CCT3: variants seen among roughly 807,000 people sequenced by gnomAD.
The protein encoded by CCT3 is T-complex protein 1 subunit gamma.
In CCT3, 10 loss-of-function variants were observed where a neutral mutation model predicts 65.3. The observed-to-expected ratio is 0.15, with a 90% CI of 0.09 to 0.26. The LOEUF is 0.26. Among genes scored for constraint, CCT3 ranks in the 10% least tolerant of loss-of-function variants. CCT3 has a pLI of 1.00. For missense variants in CCT3, 626 were observed against 708.7 expected (o/e 0.88, Z 1.33); for synonymous variants, 225 against 242.3 (o/e 0.93, Z 0.66).
intron 1 of CCT3, chr1:156,337,511 G>A (rs1177850501): frequency 5.9e-6 from 1 of 169,096 alleles, no homozygotes; most frequent in Admixed American, 5.8e-5. Flanking sequence ...GTACAACGCC[G>A]GGGACACGGA....
At chr1:156,311,693 A>G (rs1278273711) in intron 11 of CCT3, among the ~76,000 whole-genome samples, 1 of 152,186 alleles carries the variant, frequency 6.6e-6, no homozygotes, top group Non-Finnish European at 1.5e-5. Flanking sequence ...AAAATAAGAA[A>G]ACAGTTGTTG....
chr1:156,332,166 C>T (rs1290395110), intron 5 of CCT3, among the ~76,000 whole-genome samples: 1 of 152,216 alleles, frequency 6.6e-6, no homozygotes, highest in Non-Finnish European at 1.5e-5. Context: ...CAGGTGTGTG[C>T]CACCACATCC....
chr1:156,320,801 A>G (rs769298879), intron 7 of CCT3, 38 bp downstream of exon 7: 1 of 1,361,652 alleles, frequency 7.3e-7, no homozygotes, highest in South Asian at 1.2e-5. Context: ...TCATGCTAAC[A>G]TATAATTTGA....
rs1420529262 is a variant in CCT3, at chr1:156,337,895, C to A, written c.31+259G>T. 1.9e-5 allele frequency: 10 copies of A among 535,026 alleles called. No individual in the cohort carries two copies. The Admixed American group carries it at 2.7e-4, about 14-fold the overall frequency. The allele number at this position is 535,026 out of a possible 1,614,324, so 33.1% of individuals were successfully genotyped here. A position where few individuals can be genotyped will look rare whatever the true frequency, so the allele number is the denominator to read the frequency against. On this transcript the variant is annotated intron_variant, in intron 1 of 13. Coordinates refer to ENST00000295688, the MANE Select transcript of CCT3 (RefSeq NM_005998.5). Reference sequence around the variant, plus strand: ...AGCGTGGGGGCTGAGGGACAGAACGCGGAGTGGGAAAGAGCTTCCCAAGAC... The same window carrying A: ...AGCGTGGGGGCTGAGGGACAGAACGAGGAGTGGGAAAGAGCTTCCCAAGAC...
intron 1 of CCT3, among the ~76,000 whole-genome samples, chr1:156,336,582 A>G (rs560808201): frequency 2.0e-4 from 30 of 152,348 alleles, no homozygotes; most frequent in African/African-American, 5.5e-4. Flanking sequence ...AACTGACTAC[A>G]TACTTTAACT....
chr1:156,335,473 C>T lies in CCT3; in HGVS notation c.93+354G>A, dbSNP rs143150009. On this transcript the variant is annotated intron_variant, in intron 2 of 13. Transcript: ENST00000295688. The stretch of plus-strand genomic sequence containing the variant: ...ACTATTTCATTCAAAAGACATTTAC[C>T]GAATATCTATCCAAGATCTACGGTG... The T allele has an allele frequency of 2.3e-4, 52 of 229,840 alleles. No individual in the cohort carries two copies. In the East Asian group the frequency reaches 4.2e-3, roughly 19 times the overall value. 14.2% of individuals were successfully genotyped at this position (229,840 alleles called of 1,614,324 possible). A position where few individuals can be genotyped will look rare whatever the true frequency, so the allele number is the denominator to read the frequency against.
At chr1:156,309,806 A>T (rs1664000603) in intron 13 of CCT3, among the ~76,000 whole-genome samples, 1 of 151,578 alleles carries the variant, frequency 6.6e-6, no homozygotes, top group Admixed American at 6.6e-5. Context: ...TGGTTGGTCA[A>T]GGCAGGTGGA....
chr1:156,338,089 C>A, intron 1 of CCT3, 65 bp downstream of exon 1: 1 of 1,540,304 alleles, frequency 6.5e-7, no homozygotes, highest in South Asian at 1.2e-5. Context: ...GCTGGGGCAA[C>A]ACTGAAAAGT....
Position 156,317,531 on chromosome 1 carries a change from G to A in CCT3, c.776C>T (p.Thr259Ile), listed in dbSNP as rs974855097. ...AATTCGGGTGAAGTCCTCCTCTCGT[G>A]TAATCTCAATGTCAGTCTGTGTGGT... ...KGESQTDIEI[T>I]REEDFTRILQ... Residue 259 changes from threonine to isoleucine, a missense_variant, in exon 9 of 14, where the codon ACA becomes ATA. By Grantham distance (89) the Thr-to-Ile change is moderately conservative. Coordinates refer to ENST00000295688, the MANE Select transcript of CCT3 (RefSeq NM_005998.5). 3 of 1,613,490 alleles carry A rather than the reference G, an allele frequency of 1.9e-6. No homozygotes were observed. The South Asian group carries it at 3.3e-5, about 18-fold the overall frequency.
At chr1:156,323,252 G>A (rs1382347482) in intron 6 of CCT3, among the ~76,000 whole-genome samples, 1 of 120,650 alleles carries the variant, frequency 8.3e-6, no homozygotes, top group African/African-American at 2.7e-5. Context: ...GTTGCAGTGA[G>A]CCGAGATCGC....
chr1:156,335,069 C>T (rs1329226066), intron 2 of CCT3, 151 bp from the exon 3 acceptor site: 1 of 634,080 alleles, frequency 1.6e-6, no homozygotes, highest in Non-Finnish European at 2.6e-6. Flanking sequence ...TGGGGTCTCA[C>T]CATGTTGCTC....
Position 156,317,212 on chromosome 1 carries a change from T to A in CCT3, c.928A>T (p.Thr310Ser), listed in dbSNP as rs929367641. The change falls in exon 10 of 14, where the codon ACA (threonine) becomes TCA (serine). Residue 310 changes from threonine (T) to serine (S), a missense_variant. Physicochemically the swap from Thr to Ser is moderately conservative, Grantham distance 58 (BLOSUM62 1). Coordinates refer to ENST00000295688, the MANE Select transcript of CCT3 (RefSeq NM_005998.5). Reference protein sequence around the residue: ...AQHYLMRANITAIRRVRKTDN... With the variant: ...AQHYLMRANISAIRRVRKTDN... ...GTCTTCCGGACTCTGCGGATGGCTG[T>A]GATATTGGCCCGCATAAGGTAGTGC... 4.3e-6 allele frequency: 7 copies of A among 1,614,096 alleles called. No individual in the cohort carries two copies. The highest frequency in any genetic ancestry group is 1.3e-5 in the African/African-American group (1 of 74,940).
chr1:156,335,810 C>G lies in CCT3; in HGVS notation c.93+17G>C, dbSNP rs962302896. The G allele has an allele frequency of 6.2e-7, 1 of 1,610,498 alleles. No homozygotes were observed. The highest frequency in any genetic ancestry group is 1.3e-5 in the African/African-American group (1 of 74,884). ...AGCTGGAGGCAAACTACCATAAACA[C>G]TTAAAAGATTTGTGACCTTGGCAGC... On this transcript the variant is annotated intron_variant, in intron 2 of 13. Transcript: ENST00000295688.
At chr1:156,333,710 T>A in intron 4 of CCT3, 67 bp from the exon 5 acceptor site, 1 of 1,190,092 alleles carries the variant, frequency 8.4e-7, no homozygotes, top group Non-Finnish European at 1.2e-6. Context: ...AGCTTGGCCC[T>A]AACTCTTGGG....
intron 5 of CCT3, among the ~76,000 whole-genome samples, chr1:156,331,448 C>A (rs1452255442): frequency 6.6e-6 from 1 of 152,062 alleles, no homozygotes; most frequent in South Asian, 2.1e-4. Flanking sequence ...TTTGGAAGGC[C>A]GAGGTTGTCA....
At chr1:156,336,280 A>ATT (rs11389824) in intron 1 of CCT3, among the ~76,000 whole-genome samples, 114 of 145,992 alleles carry the variant, frequency 7.8e-4, no homozygotes, top group Admixed American at 9.6e-4. Flanking sequence ...AGATACTGCA[A>ATT]TTTTTTTTTT....
chr1:156,333,403 C>G (rs1665197216), intron 5 of CCT3, 144 bp downstream of exon 5: 1 of 620,778 alleles, frequency 1.6e-6, no homozygotes, highest in Non-Finnish European at 2.9e-6. Context: ...TGTTTTATAC[C>G]CAACTGGAGA....
At chr1:156,324,353 G>A (rs781463976) in intron 6 of CCT3, among the ~76,000 whole-genome samples, 1 of 152,098 alleles carries the variant, frequency 6.6e-6, no homozygotes, top group African/African-American at 2.4e-5. Flanking sequence ...GTGAGCCACC[G>A]AGCCCTGCCA....
intron 1 of CCT3, 46 bp from the exon 2 acceptor site, chr1:156,335,934 C>A (rs375633950): frequency 3.0e-5 from 43 of 1,427,410 alleles, no homozygotes; most frequent in Non-Finnish European, 4.2e-5. Flanking sequence ...ACTGCCCCAT[C>A]GTACACAAGC....
Sources: gnomAD v4.1 joint callset for allele counts (sites outside exome capture counted in the v4.1 genomes callset) on GRCh38, gnomAD v4.1.1 for gene constraint, MANE v1.5 for transcripts, NCBI Gene and HGNC (gene_info 2026-07-23, HGNC 2026-07-21) for gene names.